Variants in SARNP observed in about 807,000 individuals in gnomAD.
SARNP encodes the protein SAP domain containing ribonucleoprotein.
In SARNP, 5 loss-of-function variants were observed where a neutral mutation model predicts 38.1. The ratio of observed to expected loss-of-function variants is 0.13; its 90% CI spans 0.07 to 0.28. The LOEUF is 0.28. Among genes scored for constraint, SARNP ranks in the 10% least tolerant of loss-of-function variants. SARNP has a pLI of 1.00. For synonymous variants in SARNP, 84 were observed against 80.6 expected, an observed-to-expected ratio of 1.04 and a Z score of -0.23; for missense variants, 180 against 243.9, an observed-to-expected ratio of 0.74 and a Z score of 1.75.
chr12:55,763,527 C>T (rs1220636892), intron 9 of SARNP, among the ~76,000 whole-genome samples: 5 of 152,188 alleles, frequency 3.3e-5, no homozygotes, highest in Admixed American at 2.6e-4. Flanking sequence ...AAACTGGTCT[C>T]GAACTCCTGA....
chr12:55,808,628 G>C (rs1300079144), intron 1 of SARNP, among the ~76,000 whole-genome samples: 2 of 151,930 alleles, frequency 1.3e-5, no homozygotes. Context: ...ACACAAGGTA[G>C]CACACGCCTG....
At chr12:55,807,807 T>C (rs1310177071) in intron 1 of SARNP, among the ~76,000 whole-genome samples, 2 of 148,582 alleles carry the variant, frequency 1.3e-5, no homozygotes, top group African/African-American at 5.1e-5. Context: ...GAGCGAGACT[T>C]TGTCTCAAAA....
Position 55,790,588 on chromosome 12 carries a change from C to T in SARNP, c.411G>A (p.Leu137=). The T allele has an allele frequency of 6.5e-7, 1 of 1,540,616 alleles. No homozygotes were observed. Among genetic ancestry groups the T allele is most frequent in the Non-Finnish European group, 8.8e-7 (1 of 1,142,648 alleles). The stretch of plus-strand genomic sequence containing the variant: ...TTACCATAGGTTTGTTATCAGATGA[C>T]AGACCTAAGGAAGTAAATAAAGTTT... ...FGISSVPTKG[L]SSDNKPMVNL... Residue 137 remains leucine (L), a synonymous_variant, in exon 8 of 11, where the codon CTG becomes CTA. Transcript: ENST00000336133.
chr12:55,790,679 A>G, intron 7 of SARNP, 87 bp from the exon 8 acceptor site: 5 of 1,249,774 alleles, frequency 4.0e-6, no homozygotes, highest in Non-Finnish European at 5.3e-6. Flanking sequence ...ACATAAAAAC[A>G]TCCTTTATCC....
intron 1 of SARNP, 48 bp from the exon 2 acceptor site, chr12:55,803,776 C>T (rs778249165): frequency 4.8e-6 from 6 of 1,256,364 alleles, no homozygotes; most frequent in South Asian, 1.2e-5. Flanking sequence ...GGATGAACAC[C>T]AGTGAATAAA....
intron 9 of SARNP, among the ~76,000 whole-genome samples, chr12:55,772,525 A>G (rs1273643866): frequency 6.6e-6 from 1 of 151,952 alleles, no homozygotes; most frequent in Non-Finnish European, 1.5e-5. Context: ...GTCTTGCTCT[A>G]GCTGATTGTA....
intron 9 of SARNP, among the ~76,000 whole-genome samples, chr12:55,778,122 T>G (rs996154578): frequency 3.3e-5 from 5 of 151,354 alleles, no homozygotes; most frequent in Admixed American, 3.3e-4. Context: ...GGTCAGAGAG[T>G]TTCCCCCATT....
chr12:55,781,860 C>T (rs1001236281), intron 9 of SARNP, among the ~76,000 whole-genome samples: 33 of 152,080 alleles, frequency 2.2e-4, no homozygotes, highest in African/African-American at 7.7e-4. Context: ...CTGGGACTAC[C>T]GGCACTCACT....
Position 55,787,204 on chromosome 12 carries a change from C to T in SARNP, c.501+1871G>A, listed in dbSNP as rs928618863. Among the ~76,000 whole-genome samples the T allele has an allele frequency of 1.1e-4, 16 of 144,080 alleles. No individual in the cohort carries two copies. In the Admixed American group the frequency reaches 1.2e-3, roughly 10 times the overall value. The allele number at this position is 144,080 out of a possible 152,430, so 94.5% of individuals were successfully genotyped here. ...CTGTGATCATGCTACTGCTCTGCAG[C>T]CTGGGTGTCAGAGTGAGAACTTGTC... On this transcript the variant is annotated intron_variant, in intron 9 of 10. Coordinates refer to ENST00000336133, the MANE Select transcript of SARNP (RefSeq NM_033082.4).
In SARNP at chr12:55,774,558, T is replaced by TAAAAAAAAAA. The variant is rs1565673497; in HGVS notation, c.502-13919_502-13918insTTTTTTTTTT. Among the ~76,000 whole-genome samples, 163 of 40,508 alleles carry TAAAAAAAAAA rather than the reference T, an allele frequency of 4.0e-3. 23 individuals are homozygous for TAAAAAAAAAA. The highest frequency in any genetic ancestry group is 5.4e-3 in the South Asian group (5 of 920). 26.6% of individuals were successfully genotyped at this position (40,508 alleles called of 152,430 possible). ...CGACACGGTGAAACCCCGTCTCTAC[T>TAAAAAAAAAA]GAAAAAAAAAAAAAAACAAACAAAA... On this transcript the variant is annotated intron_variant, in intron 9 of 10. Transcript: ENST00000336133.
intron 9 of SARNP, among the ~76,000 whole-genome samples, chr12:55,788,807 AAAAG>A (rs1215372576): frequency 1.3e-5 from 2 of 152,192 alleles, no homozygotes; most frequent in Non-Finnish European, 2.9e-5. Flanking sequence ...CAAAGGAAAA[AAAAG>A]AAAGAAAGAA....
chr12:55,808,119 T>C (rs1201580028), intron 1 of SARNP, among the ~76,000 whole-genome samples: 1 of 152,212 alleles, frequency 6.6e-6, no homozygotes, highest in Admixed American at 6.5e-5. Flanking sequence ...GTATTACTTC[T>C]TTTGTTATAT....
chr12:55,779,543 C>T (rs967351209), intron 9 of SARNP, among the ~76,000 whole-genome samples: 3 of 152,164 alleles, frequency 2.0e-5, no homozygotes, highest in African/African-American at 7.2e-5. Context: ...CTACCAAACT[C>T]TTCACCATAG....
downstream of SARNP, chr12:55,752,532 C>T (rs993214358): frequency 2.6e-5 from 4 of 152,306 alleles, no homozygotes; most frequent in Middle Eastern, 3.4e-3. Flanking sequence ...CCCCTCCCAC[C>T]TTATGATGTG....
chr12:55,791,635 C>T (rs928815613), intron 7 of SARNP, among the ~76,000 whole-genome samples: 1 of 151,984 alleles, frequency 6.6e-6, no homozygotes, highest in African/African-American at 2.4e-5. Context: ...GCAGAGGCTG[C>T]AGTGAGCTGA....
intron 4 of SARNP, among the ~76,000 whole-genome samples, chr12:55,796,843 A>C (rs1418881913): frequency 6.6e-6 from 1 of 152,212 alleles, no homozygotes; most frequent in African/African-American, 2.4e-5. Flanking sequence ...CCCATGGGGA[A>C]TGTAGCTCTA....
chr12:55,755,555 G>A (rs1259784059), downstream of SARNP: 1 of 152,100 alleles, frequency 6.6e-6, no homozygotes, highest in Non-Finnish European at 1.5e-5. Flanking sequence ...GAGGAAGGAA[G>A]GGTACTAAGA....
At chr12:55,808,576 C>T (rs7972345) in intron 1 of SARNP, among the ~76,000 whole-genome samples, 6,972 of 152,190 alleles carry the variant, frequency 0.046, 199 homozygotes, top group East Asian at 0.11. Context: ...GGATTACAGA[C>T]ATGAGCCACC....
intron 9 of SARNP, among the ~76,000 whole-genome samples, chr12:55,775,772 CCTT>C (rs1283466634): frequency 1.3e-5 from 2 of 152,046 alleles, no homozygotes; most frequent in Non-Finnish European, 2.9e-5. Flanking sequence ...TGGGATCTGA[CCTT>C]CTTCAGCTAT....
Sources: gnomAD v4.1 joint callset for allele counts (sites outside exome capture counted in the v4.1 genomes callset) on GRCh38, gnomAD v4.1.1 for gene constraint, MANE v1.5 for transcripts, NCBI Gene and HGNC (gene_info 2026-07-23, HGNC 2026-07-21) for gene names.